The following TRMT2B variants were observed in gnomAD, a reference collection of about 807,000 sequenced individuals.
TRMT2B encodes the protein tRNA (uracil-5-)-methyltransferase homolog B.
TRMT2B carries 34 observed loss-of-function variants against 39.7 expected under a neutral mutation model. The ratio of observed to expected loss-of-function variants is 0.86; its 90% confidence interval spans 0.65 to 1.14. TRMT2B has a LOEUF of 1.14. Among genes scored for constraint, TRMT2B ranks in the 50% most tolerant of loss-of-function variants. The pLI, the probability that TRMT2B is intolerant of heterozygous loss-of-function variation, is 0.00. For missense variants in TRMT2B, 318 were observed against 377.2 expected (o/e 0.84, Z 1.30); for synonymous variants, 132 against 137.3 (o/e 0.96, Z 0.27).
chrX:101,039,110 C>G (rs750764989), intron 4 of TRMT2B, among the ~76,000 whole-genome samples: 23 of 109,382 alleles, frequency 2.1e-4, no homozygotes, highest in African/African-American at 7.7e-4. Flanking sequence ...ACTCTGTCAC[C>G]CAGGCTGGAG....
chrX:101,018,952 A>C lies in TRMT2B; in HGVS notation c.1388+19T>G. Reference sequence around the variant, plus strand: ...TTGATAATCAGAACAAAAAATTTTAAACAGAAGTCAAGACTTACTCAATGA... The same window carrying C: ...TTGATAATCAGAACAAAAAATTTTACACAGAAGTCAAGACTTACTCAATGA... On this transcript the variant is annotated intron_variant, in intron 13 of 13. Coordinates refer to ENST00000372936, the MANE Select transcript of TRMT2B (RefSeq NM_024917.6). 2.7e-6 allele frequency: 3 copies of C among 1,111,695 alleles called. No homozygotes were observed. Among genetic ancestry groups the C allele is most frequent in the Non-Finnish European group, 3.7e-6 (3 of 804,881 alleles). 91.6% of individuals were successfully genotyped at this position (1,111,695 alleles called of 1,213,427 possible).
chrX:101,051,628 C>G lies in TRMT2B; in HGVS notation c.-401G>C. 2.6e-6 allele frequency: 2 copies of G among 754,896 alleles called. No individual in the cohort carries two copies. The highest frequency in any genetic ancestry group is 3.1e-6 in the Non-Finnish European group (2 of 639,498). 62.2% of individuals were successfully genotyped at this position (754,896 alleles called of 1,213,427 possible). On this transcript the variant is annotated 5_prime_UTR_variant, in exon 2 of 14. Coordinates refer to ENST00000372936, the MANE Select transcript of TRMT2B (RefSeq NM_024917.6). The stretch of plus-strand genomic sequence containing the variant: ...GGAGGAGTTAGGGCACAGGCCCACG[C>G]TGGGCCGTACACGACCTTGCGCAGT...
rs916102107 is a variant in TRMT2B, at chrX:101,041,932, G to A, written c.248+110C>T. 24 of 977,210 alleles carry A rather than the reference G, an allele frequency of 2.5e-5. No homozygotes were observed. The African/African-American group carries it at 4.0e-4, about 16-fold the overall frequency. 80.5% of individuals were successfully genotyped at this position (977,210 alleles called of 1,213,427 possible). A position where few individuals can be genotyped will look rare whatever the true frequency, so the allele number is the denominator to read the frequency against. ...TTGCCCTGGGTATCCTACCTCAGGT[G>A]GCCCCTCAAATCCTTGTAATGCTAC... On this transcript the variant is annotated intron_variant, in intron 3 of 13. Transcript: ENST00000372936.
chrX:101,039,716 G>A (rs113915320), intron 4 of TRMT2B, among the ~76,000 whole-genome samples: 2 of 109,859 alleles, frequency 1.8e-5, no homozygotes, highest in Admixed American at 9.8e-5. Context: ...TGGGCAACAT[G>A]GCAAAACTCT....
the TRMT2B span, chrX:100,985,526 T>C: frequency 1.5e-6 from 1 of 676,065 alleles, no homozygotes; most frequent in South Asian, 3.7e-5. Flanking sequence ...ACTTTGTGAT[T>C]GCTTTTCCTC....
chrX:100,997,030 A>AT, the TRMT2B span, among the ~76,000 whole-genome samples: 1 of 111,495 alleles, frequency 9.0e-6, no homozygotes, highest in African/African-American at 3.3e-5. Context: ...ATAGGCTTCT[A>AT]TAAGTTCCAT....
downstream of TRMT2B, among the ~76,000 whole-genome samples, chrX:101,007,444 C>T (rs774480890): frequency 6.3e-5 from 7 of 110,984 alleles, no homozygotes; most frequent in African/African-American, 2.0e-4. Flanking sequence ...GTCAGCGGTT[C>T]GAGACCAGCC....
At chrX:100,984,165 G>A in the TRMT2B span, among the ~76,000 whole-genome samples, 7 of 106,897 alleles carry the variant, frequency 6.5e-5, no homozygotes, top group Admixed American at 7.0e-4. Context: ...CCATGCTGGA[G>A]TGCAGTGGCG....
At chrX:101,038,371 CAAAAAAAAAAA>C (rs57481304) in intron 4 of TRMT2B, among the ~76,000 whole-genome samples, 909 of 35,191 alleles carry the variant, frequency 0.026, 11 homozygotes, top group Middle Eastern at 0.089. Flanking sequence ...AACTCCGTCT[CAAAAAAAAAAA>C]AAAAAAAAAA....
intron 7 of TRMT2B, among the ~76,000 whole-genome samples, chrX:101,029,809 G>C (rs181818606): frequency 1.5e-4 from 17 of 111,907 alleles, no homozygotes; most frequent in African/African-American, 5.5e-4. Flanking sequence ...CACATCTGGA[G>C]TGACCACAGA....
chrX:101,051,704 C>A lies in TRMT2B; in HGVS notation c.-477G>T. ...CGCCTGCCTCCTCCATTCCCCGCCCCGCGGACAGTTTGGCATAGTAGGGAG... is the reference window on the plus strand; with the variant it reads ...CGCCTGCCTCCTCCATTCCCCGCCCAGCGGACAGTTTGGCATAGTAGGGAG... On this transcript the variant is annotated 5_prime_UTR_variant, in exon 2 of 14. Transcript: ENST00000372936. 1 of 755,010 alleles carries A rather than the reference C, an allele frequency of 1.3e-6. No individual in the cohort carries two copies. Among genetic ancestry groups the A allele is most frequent in the South Asian group, 6.7e-5 (1 of 14,908 alleles). The allele number at this position is 755,010 out of a possible 1,213,427, so 62.2% of individuals were successfully genotyped here. A position where few individuals can be genotyped will look rare whatever the true frequency, so the allele number is the denominator to read the frequency against.
chrX:100,982,533 A>T, the TRMT2B span, among the ~76,000 whole-genome samples: 1 of 110,292 alleles, frequency 9.1e-6, no homozygotes, highest in South Asian at 3.9e-4. Context: ...GATCATGGAG[A>T]ACAGTGGATA....
intron 2 of TRMT2B, among the ~76,000 whole-genome samples, chrX:101,047,658 C>T (rs762132513): frequency 9.2e-6 from 1 of 109,048 alleles, no homozygotes; most frequent in South Asian, 4.0e-4. Context: ...ATGGTGAAAC[C>T]CCGTCTCTAC....
intron 7 of TRMT2B, among the ~76,000 whole-genome samples, chrX:101,027,231 T>C (rs964135077): frequency 9.2e-6 from 1 of 109,268 alleles, no homozygotes; most frequent in Non-Finnish European, 1.9e-5. Context: ...TACTCCAGTT[T>C]CTTTCTTTTT....
chrX:101,032,064 T>A (rs2087502943), intron 7 of TRMT2B, among the ~76,000 whole-genome samples: 1 of 110,587 alleles, frequency 9.0e-6, no homozygotes, highest in African/African-American at 3.3e-5. Context: ...GGTGGGTAGA[T>A]CATTTGAGGT....
At chrX:100,978,948 ATTACT>A in the TRMT2B span, among the ~76,000 whole-genome samples, 2 of 111,033 alleles carry the variant, frequency 1.8e-5, no homozygotes, top group Non-Finnish European at 3.8e-5. Context: ...TGGAAACCCC[ATTACT>A]TTAAACTGAT....
chrX:101,020,951 A>C, intron 10 of TRMT2B, 150 bp downstream of exon 10: 1 of 499,747 alleles, frequency 2.0e-6, no homozygotes, highest in South Asian at 3.2e-5. Context: ...TAACAGGCAT[A>C]AGCAACCACA....
the TRMT2B span, chrX:100,986,960 C>T: frequency 2.4e-6 from 2 of 831,964 alleles, no homozygotes; most frequent in Non-Finnish European, 1.7e-6. Flanking sequence ...CAGCCCTTGG[C>T]CCATTCTATA....
chrX:101,030,066 C>G (rs1353062480), intron 7 of TRMT2B, among the ~76,000 whole-genome samples: 2 of 110,884 alleles, frequency 1.8e-5, no homozygotes, highest in African/African-American at 3.3e-5. Flanking sequence ...TTGAGACCAG[C>G]CTGGCCAACA....
Sources: gnomAD v4.1 joint callset for allele counts (sites outside exome capture counted in the v4.1 genomes callset) on GRCh38, gnomAD v4.1.1 for gene constraint, MANE v1.5 for transcripts, NCBI Gene and HGNC (gene_info 2026-07-23, HGNC 2026-07-21) for gene names.